Variants in ANKFY1 observed in about 807,000 individuals in gnomAD.
ANKFY1 encodes ankyrin repeat and FYVE domain containing 1.
A neutral mutation model predicts 128.3 loss-of-function variants in ANKFY1; 47 were observed. The observed-to-expected ratio is 0.37, with a 90% CI of 0.29 to 0.47. ANKFY1 has a LOEUF of 0.47. Ranked by LOEUF, ANKFY1 falls within the 20% of genes least tolerant of loss-of-function variation. The probability of loss-of-function intolerance (pLI) is 1.00; values close to 1 mark genes in which losing one functional copy is unlikely to be tolerated. For synonymous variants in ANKFY1, 553 were observed against 601.6 expected, an observed-to-expected ratio of 0.92 and a Z score of 1.18; for missense variants, 1,222 against 1,510.6, an observed-to-expected ratio of 0.81 and a Z score of 3.17.
chr17:4,217,151 C>T (rs867017499), intron 3 of ANKFY1, 33 bp from the exon 4 acceptor site: 1 of 1,602,522 alleles, frequency 6.2e-7, no homozygotes, highest in Middle Eastern at 2.2e-4. Flanking sequence ...ACTGAAAAAG[C>T]ATAGAATGAC....
chr17:4,242,481 G>C, intron 1 of ANKFY1, 33 bp from the exon 2 acceptor site: 1 of 1,497,282 alleles, frequency 6.7e-7, no homozygotes, highest in Non-Finnish European at 8.9e-7. Flanking sequence ...AGTTCACCGT[G>C]GCTGCTGGAA....
chr17:4,200,220 C>T (rs1325953706), intron 7 of ANKFY1, among the ~76,000 whole-genome samples: 1 of 152,064 alleles, frequency 6.6e-6, no homozygotes, highest in Admixed American at 6.6e-5. Flanking sequence ...CGCCAACATA[C>T]CCGGCTAATT....
intron 1 of ANKFY1, 37 bp downstream of exon 1, chr17:4,263,895 C>A (rs376297943): frequency 4.3e-6 from 7 of 1,613,706 alleles, no homozygotes; most frequent in Non-Finnish European, 5.9e-6. Flanking sequence ...CCCCACAGCT[C>A]CGTGTCTTCC....
At position 4,239,701 on chromosome 17, in the gene ANKFY1, G is replaced by C. The variant is rs894929751; in HGVS notation, c.203+2555C>G. ...TTACAGGCGCGTGCCACCACATGTG[G>C]CTAATTTTTGTATTTTTAGTACAGA... On this transcript the variant is annotated intron_variant, in intron 2 of 24. Coordinates refer to ENST00000341657, the MANE Select transcript of ANKFY1 (RefSeq NM_001330063.2). 5.3e-5 allele frequency among the ~76,000 whole-genome samples: 8 copies of C among 152,162 alleles called. No individual in the cohort carries two copies. In the South Asian group the frequency reaches 1.7e-3, roughly 32 times the overall value.
chr17:4,192,289 C>G lies in ANKFY1; in HGVS notation c.1372+2689G>C, dbSNP rs373461463. Reference sequence around the variant, plus strand: ...GTTGATGGTTACTCTAATCTGGAGACGCCTAGTTGATGGTTACTCTAATCT... The same window carrying G: ...GTTGATGGTTACTCTAATCTGGAGAGGCCTAGTTGATGGTTACTCTAATCT... On this transcript the variant is annotated intron_variant, in intron 10 of 24. Coordinates refer to ENST00000341657, the MANE Select transcript of ANKFY1 (RefSeq NM_001330063.2). Among the ~76,000 whole-genome samples, 4 of 136,810 alleles carry G rather than the reference C, an allele frequency of 2.9e-5. No homozygotes were observed. In the East Asian group the frequency reaches 9.1e-4, roughly 31 times the overall value. The allele number at this position is 136,810 out of a possible 152,430, so 89.8% of individuals were successfully genotyped here.
intron 19 of ANKFY1, among the ~76,000 whole-genome samples, chr17:4,174,469 C>T (rs915776294): frequency 2.6e-5 from 4 of 151,958 alleles, no homozygotes; most frequent in African/African-American, 4.8e-5. Context: ...AAATATTTAT[C>T]GATTAACATG....
At position 4,195,087 on chromosome 17, in the gene ANKFY1, G is replaced by C; in HGVS notation, c.1263C>G (p.Asn421Lys). 1 of 1,614,166 alleles carries C rather than the reference G, an allele frequency of 6.2e-7. No individual in the cohort carries two copies. Among genetic ancestry groups the C allele is most frequent in the Non-Finnish European group, 8.5e-7 (1 of 1,180,044 alleles). Residue 421 changes from asparagine (N) to lysine (K), a missense_variant, in exon 10 of 25, where the codon AAC (asparagine) becomes AAG (lysine). Asn to Lys is a moderately conservative substitution (Grantham distance 94). Transcript: ENST00000341657. The part of the protein sequence containing the change: ...HITVSSDQSV[N>K]PFEDVPVVNG... ...TTACCACGGGGACATCTTCGAAGGG[G>C]TTCACAGACTGGTCAGAAGACACTG...
intron 4 of ANKFY1, chr17:4,216,526 A>T: frequency 4.9e-6 from 1 of 204,328 alleles, no homozygotes; most frequent in Non-Finnish European, 1.0e-5. Context: ...ATGAAGTGAG[A>T]TCTCTGGAAC....
chr17:4,209,386 C>T (rs1567946048), intron 5 of ANKFY1, among the ~76,000 whole-genome samples: 1 of 152,172 alleles, frequency 6.6e-6, no homozygotes, highest in East Asian at 1.9e-4. Context: ...CCGCAACCTC[C>T]GCCTCCCGGG....
At chr17:4,222,947 C>A (rs922383022) in intron 3 of ANKFY1, 4 of 1,244,804 alleles carry the variant, frequency 3.2e-6, no homozygotes, top group Non-Finnish European at 4.7e-6. Flanking sequence ...TAGAGAAGAA[C>A]GACTTGAGAA....
At position 4,203,735 on chromosome 17, in the gene ANKFY1, A is replaced by G. The variant is rs947809409; in HGVS notation, c.898+2586T>C. ...GAGGCTGAGGCAGGAGAATCGCTTGAACCTGGGAGGCAGAGGTTGCAGTGA... is the reference window on the plus strand; with the variant it reads ...GAGGCTGAGGCAGGAGAATCGCTTGGACCTGGGAGGCAGAGGTTGCAGTGA... On this transcript the variant is annotated intron_variant, in intron 7 of 24. Coordinates refer to ENST00000341657, the MANE Select transcript of ANKFY1 (RefSeq NM_001330063.2). Among the ~76,000 whole-genome samples the G allele has an allele frequency of 1.4e-4, 21 of 150,756 alleles. No individual in the cohort carries two copies. In the East Asian group the frequency reaches 4.1e-3, roughly 29 times the overall value.
At position 4,165,949 on chromosome 17, in the gene ANKFY1, CA is replaced by C. The variant is rs1314708077; in HGVS notation, c.*1829del. The C allele has an allele frequency of 2.0e-5, 3 of 152,140 alleles. No homozygotes were observed. Among genetic ancestry groups the C allele is most frequent in the Non-Finnish European group, 2.9e-5 (2 of 68,030 alleles). 9.4% of individuals were successfully genotyped at this position (152,140 alleles called of 1,614,324 possible). The stretch of plus-strand genomic sequence containing the variant: ...CTGCCTGCTTCCTTATGGCCCTTTC[CA>C]GGTAATAGAAAATGGAAACTGACCA... On this transcript the variant is annotated 3_prime_UTR_variant, in exon 25 of 25. Transcript: ENST00000341657.
chr17:4,229,901 G>A (rs947269243), intron 3 of ANKFY1, among the ~76,000 whole-genome samples: 1 of 152,246 alleles, frequency 6.6e-6, no homozygotes, highest in East Asian at 1.9e-4. Context: ...ATTCATTAGA[G>A]GTGAATCAGC....
At chr17:4,187,455 A>C (rs1441124502) in intron 11 of ANKFY1, 2 of 391,440 alleles carry the variant, frequency 5.1e-6, no homozygotes, top group Non-Finnish European at 9.0e-6. Flanking sequence ...TTCTCTGCCC[A>C]AAACCCTCCA....
chr17:4,186,295 C>A (rs1266712927), intron 11 of ANKFY1: 1 of 152,588 alleles, frequency 6.6e-6, no homozygotes, highest in East Asian at 1.9e-4. Context: ...CACTTAGAGG[C>A]AAGAACTCTC....
rs768383868 is a variant in ANKFY1, at chr17:4,206,422, C to T, written c.797G>A (p.Arg266Gln). Residue 266 changes from arginine (R) to glutamine (Q), a missense_variant, in exon 7 of 25, where the codon CGA becomes CAA. Transcript: ENST00000341657. ...CGTGGTGGCAATACTCTCCAGTCGT[C>T]GTGAGAGGGCTAGATCTAATGCCAG... ...GDLALDLALS[R>Q]RLESIATTLV... The T allele has an allele frequency of 1.2e-5, 19 of 1,614,182 alleles. No homozygotes were observed. Among genetic ancestry groups the T allele is most frequent in the Middle Eastern group, 1.6e-4 (1 of 6,062 alleles).
At chr17:4,214,420 A>C (rs145903020) in intron 4 of ANKFY1, among the ~76,000 whole-genome samples, 1 of 152,354 alleles carries the variant, frequency 6.6e-6, no homozygotes, top group Non-Finnish European at 1.5e-5. Context: ...TCTCTTTGAA[A>C]ATAGCAAGAC....
At chr17:4,196,246 G>A (rs1004508984) in intron 8 of ANKFY1, among the ~76,000 whole-genome samples, 2 of 151,568 alleles carry the variant, frequency 1.3e-5, no homozygotes, top group Non-Finnish European at 2.9e-5. Context: ...AGCAGGGAAA[G>A]GGATGCAATT....
rs188081540 is a variant in ANKFY1, at chr17:4,207,438, T to C, written c.732+495A>G. Among the ~76,000 whole-genome samples the C allele has an allele frequency of 1.5e-3, 232 of 152,280 alleles. 1 individual carries two copies. Among genetic ancestry groups the C allele is most frequent in the African/African-American group, 5.2e-3 (215 of 41,558 alleles). ...AAAATGGGGACCTCGATCCTGTAAG[T>C]GCAAGAATCTGAATTCTGCCAAAGA... On this transcript the variant is annotated intron_variant, in intron 6 of 24. Coordinates refer to ENST00000341657, the MANE Select transcript of ANKFY1 (RefSeq NM_001330063.2).
Sources: gnomAD v4.1 joint callset for allele counts (sites outside exome capture counted in the v4.1 genomes callset) on GRCh38, gnomAD v4.1.1 for gene constraint, MANE v1.5 for transcripts, NCBI Gene and HGNC (gene_info 2026-07-23, HGNC 2026-07-21) for gene names.